Variants in DPP10 observed in about 807,000 individuals in gnomAD.
DPP10 encodes inactive dipeptidyl peptidase 10.
In DPP10, 33 loss-of-function variants were observed where a neutral mutation model predicts 120.9. The observed-to-expected ratio is 0.27, with a 90% CI of 0.21 to 0.37. The LOEUF is 0.37. Ranked by LOEUF, DPP10 falls within the 10% of genes least tolerant of loss-of-function variation. DPP10 has a pLI of 1.00. For missense variants in DPP10, 816 were observed against 942.8 expected (o/e 0.87, Z 1.76); for synonymous variants, 337 against 326.1 (o/e 1.03, Z -0.36).
intron 1 of DPP10, among the ~76,000 whole-genome samples, chr2:114,992,374 G>T (rs1477052467): frequency 6.6e-6 from 1 of 152,194 alleles, no homozygotes; most frequent in Non-Finnish European, 1.5e-5. Context: ...GTGGGAAGCT[G>T]TTGAGCCTAA....
At chr2:115,016,411 A>C (rs540920923) in intron 1 of DPP10, among the ~76,000 whole-genome samples, 2 of 152,236 alleles carry the variant, frequency 1.3e-5, no homozygotes, top group South Asian at 4.1e-4. Flanking sequence ...CTAGAAGAAA[A>C]CCTAGGCAAT....
At chr2:115,338,950 C>T (rs563545111) in intron 2 of DPP10, among the ~76,000 whole-genome samples, 5 of 152,196 alleles carry the variant, frequency 3.3e-5, no homozygotes, top group Admixed American at 6.6e-5. Flanking sequence ...AAATTGATTA[C>T]CTGGATCTCA....
chr2:115,562,830 C>A (rs1252291676), intron 5 of DPP10, among the ~76,000 whole-genome samples: 1 of 152,128 alleles, frequency 6.6e-6, no homozygotes, highest in Non-Finnish European at 1.5e-5. Flanking sequence ...TATCAAAAGC[C>A]TTTCTGATCT....
In DPP10 at chr2:115,814,880, A is replaced by G; in HGVS notation, c.1788A>G (p.Val596=). ...TCATTGACATGGATAATGTCATTGT[A>G]GCAAGATTTGATGGCAGAGGAAGTG... The part of the protein sequence containing the change: ...SVLIDMDNVI[V]ARFDGRGSGF... The change falls in exon 20 of 26, where the codon GTA becomes GTG. Residue 596 remains valine (V), a synonymous_variant. Coordinates refer to ENST00000410059, the MANE Select transcript of DPP10 (RefSeq NM_020868.6). 1.9e-6 allele frequency: 3 copies of G among 1,611,636 alleles called. No homozygotes were observed. The highest frequency in any genetic ancestry group is 2.5e-6 in the Non-Finnish European group (3 of 1,178,256).
intron 2 of DPP10, 132 bp from the exon 3 acceptor site, chr2:115,343,685 A>G (rs888062415): frequency 2.1e-6 from 1 of 467,492 alleles, no homozygotes; most frequent in Non-Finnish European, 3.7e-6. Flanking sequence ...GCCAAAAACC[A>G]TGTCAAAATG....
chr2:114,508,127 T>C (rs763224842), intron 1 of DPP10, among the ~76,000 whole-genome samples: 10 of 152,138 alleles, frequency 6.6e-5, no homozygotes, highest in Non-Finnish European at 1.0e-4. Context: ...CAATAACATG[T>C]ATTTATTTTG....
chr2:114,602,018 G>A (rs1220240698), intron 1 of DPP10, among the ~76,000 whole-genome samples: 1 of 151,520 alleles, frequency 6.6e-6, no homozygotes, highest in Non-Finnish European at 1.5e-5. Flanking sequence ...AAACAGAATG[G>A]GCTATATTTA....
intron 1 of DPP10, among the ~76,000 whole-genome samples, chr2:114,530,867 C>G (rs1685915035): frequency 6.6e-6 from 1 of 151,852 alleles, no homozygotes; most frequent in South Asian, 2.1e-4. Flanking sequence ...CACTGCTGGC[C>G]AGTGAGAACT....
intron 1 of DPP10, among the ~76,000 whole-genome samples, chr2:114,549,376 C>T (rs1378403735): frequency 6.6e-6 from 1 of 151,920 alleles, no homozygotes; most frequent in South Asian, 2.1e-4. Flanking sequence ...AAAACATGTC[C>T]GCATAACCTG....
intron 1 of DPP10, among the ~76,000 whole-genome samples, chr2:114,607,110 G>A (rs537187258): frequency 6.6e-6 from 1 of 152,248 alleles, no homozygotes; most frequent in South Asian, 2.1e-4. Context: ...AAGTTTGTCT[G>A]TCTCCAAAAT....
intron 1 of DPP10, among the ~76,000 whole-genome samples, chr2:114,589,147 G>A (rs1341411342): frequency 1.3e-5 from 2 of 152,108 alleles, no homozygotes; most frequent in Non-Finnish European, 2.9e-5. Flanking sequence ...TTGAAGGCAG[G>A]GGAAGTTTCT....
chr2:115,433,145 A>AT (rs1187346167), intron 3 of DPP10, among the ~76,000 whole-genome samples: 2 of 151,828 alleles, frequency 1.3e-5, no homozygotes, highest in African/African-American at 4.8e-5. Context: ...CAGTCTGTGT[A>AT]TTTTTTTTAT....
intron 1 of DPP10, among the ~76,000 whole-genome samples, chr2:115,042,065 T>C (rs957989688): frequency 2.2e-5 from 3 of 139,198 alleles, no homozygotes; most frequent in African/African-American, 7.8e-5. Flanking sequence ...GGAAAGAACA[T>C]AGGAAATCAA....
chr2:115,792,742 A>C lies in DPP10; in HGVS notation c.1700+1386A>C, dbSNP rs141307210. Among the ~76,000 whole-genome samples the C allele has an allele frequency of 6.0e-3, 915 of 152,304 alleles. 17 individuals are homozygous for C. The highest frequency in any genetic ancestry group is 0.021 in the African/African-American group (879 of 41,576). ...GAGACAAAAAGAAAGCAAAAATCAA[A>C]CCCATCTTCTATCTCAGTCACGTCT... On this transcript the variant is annotated intron_variant, in intron 19 of 25. Coordinates refer to ENST00000410059, the MANE Select transcript of DPP10 (RefSeq NM_020868.6).
intron 5 of DPP10, among the ~76,000 whole-genome samples, chr2:115,595,646 T>C (rs545952295): frequency 9.9e-5 from 15 of 152,176 alleles, no homozygotes; most frequent in Non-Finnish European, 1.6e-4. Flanking sequence ...TTTTTAACAT[T>C]AATCTGCCAT....
intron 1 of DPP10, among the ~76,000 whole-genome samples, chr2:115,186,919 C>T (rs2054481878): frequency 6.6e-6 from 1 of 150,944 alleles, no homozygotes; most frequent in Non-Finnish European, 1.5e-5. Flanking sequence ...AGGGTACAGC[C>T]TCTAGCCAGA....
chr2:114,672,883 T>C (rs1295369000), intron 1 of DPP10, among the ~76,000 whole-genome samples: 1 of 152,186 alleles, frequency 6.6e-6, no homozygotes, highest in Non-Finnish European at 1.5e-5. Flanking sequence ...ATTTTCTTTC[T>C]TGATTACATT....
intron 1 of DPP10, among the ~76,000 whole-genome samples, chr2:115,017,368 G>C (rs192125677): frequency 1.3e-5 from 2 of 152,152 alleles, no homozygotes; most frequent in African/African-American, 4.8e-5. Context: ...TCCTGGAGAG[G>C]ATGTGGAGAA....
At position 115,753,304 on chromosome 2, in the gene DPP10, A is replaced by G; in HGVS notation, c.1074+7A>G. ...TACAGGTGCTTGTAGTAAAGTGAGT[A>G]TAATTTATTTTTCTTTTATGCCTAA... On this transcript the variant is annotated splice_region_variant and intron_variant, in intron 11 of 25. Transcript: ENST00000410059. The G allele has an allele frequency of 1.3e-6, 2 of 1,591,252 alleles. No individual in the cohort carries two copies. Among genetic ancestry groups the G allele is most frequent in the Non-Finnish European group, 1.7e-6 (2 of 1,168,342 alleles).
Sources: gnomAD v4.1 joint callset for allele counts (sites outside exome capture counted in the v4.1 genomes callset) on GRCh38, gnomAD v4.1.1 for gene constraint, MANE v1.5 for transcripts, NCBI Gene and HGNC (gene_info 2026-07-23, HGNC 2026-07-21) for gene names.